ZNF521: variants seen among roughly 807,000 people sequenced by gnomAD.
ZNF521 encodes zinc finger protein 521, also known as LYST-interacting protein 3.
ZNF521 carries 14 observed loss-of-function variants against 105.5 expected under a neutral mutation model. The observed-to-expected ratio is 0.13, with a 90% CI of 0.09 to 0.21. The LOEUF is 0.21. Ranked by LOEUF, ZNF521 falls within the 10% of genes least tolerant of loss-of-function variation. The pLI, the probability that ZNF521 is intolerant of heterozygous loss-of-function variation, is 1.00. For missense variants in ZNF521, 1,233 were observed against 1,629.7 expected, an observed-to-expected ratio of 0.76 and a Z score of 4.19; for synonymous variants, 635 against 606.0, an observed-to-expected ratio of 1.05 and a Z score of -0.70.
At chr18:25,081,182 C>T (rs1162500184) in intron 7 of ZNF521, among the ~76,000 whole-genome samples, 1 of 152,168 alleles carries the variant, frequency 6.6e-6, no homozygotes, top group African/African-American at 2.4e-5. Flanking sequence ...TCAGTACACC[C>T]TGGCTGGATG....
intron 4 of ZNF521, among the ~76,000 whole-genome samples, chr18:25,223,358 C>T (rs559369077): frequency 6.6e-6 from 1 of 152,300 alleles, no homozygotes; most frequent in East Asian, 1.9e-4. Flanking sequence ...CCGCCCCTGC[C>T]AGCTGACTGA....
At chr18:25,188,648 T>C (rs1037837417) in intron 5 of ZNF521, among the ~76,000 whole-genome samples, 1 of 152,174 alleles carries the variant, frequency 6.6e-6, no homozygotes, top group South Asian at 2.1e-4. Flanking sequence ...TAGTGATACA[T>C]TCTACCGGAA....
At chr18:25,283,375 G>C (rs529484426) in intron 3 of ZNF521, among the ~76,000 whole-genome samples, 26 of 152,296 alleles carry the variant, frequency 1.7e-4, no homozygotes, top group African/African-American at 5.3e-4. Flanking sequence ...GTCAAAATCA[G>C]AGCCTAATTC....
chr18:25,329,483 TAAC>T (rs1913426549), intron 2 of ZNF521, among the ~76,000 whole-genome samples: 1 of 152,154 alleles, frequency 6.6e-6, no homozygotes, highest in African/African-American at 2.4e-5. Context: ...GAAGGCCACA[TAAC>T]ACTGGGAACA....
intron 3 of ZNF521, among the ~76,000 whole-genome samples, chr18:25,275,333 A>T (rs1235023175): frequency 6.6e-6 from 1 of 152,196 alleles, no homozygotes; most frequent in African/African-American, 2.4e-5. Flanking sequence ...GGACATCACT[A>T]AAAGGGGGAC....
intron 5 of ZNF521, among the ~76,000 whole-genome samples, chr18:25,108,329 A>G (rs964094875): frequency 1.3e-5 from 2 of 152,190 alleles, no homozygotes; most frequent in African/African-American, 4.8e-5. Context: ...GCCAAATTAA[A>G]AGCATGAGGA....
At chr18:25,350,824 T>G in intron 2 of ZNF521, 83 bp downstream of exon 2, 2 of 1,478,364 alleles carry the variant, frequency 1.4e-6, no homozygotes, top group African/African-American at 1.4e-5. Flanking sequence ...CGCACACGCC[T>G]CGCAGCCACG....
chr18:25,089,369 G>T, intron 7 of ZNF521, 96 bp downstream of exon 7: 1 of 912,784 alleles, frequency 1.1e-6, no homozygotes, highest in Non-Finnish European at 1.7e-6. Context: ...TGGTGGCCCA[G>T]GGTGAGTGAT....
chr18:25,079,586 A>T (rs186048681), intron 7 of ZNF521, among the ~76,000 whole-genome samples: 1 of 138,580 alleles, frequency 7.2e-6, no homozygotes, highest in Non-Finnish European at 1.5e-5. Flanking sequence ...ACACCAAGAG[A>T]TCTCAGGAAA....
Position 25,226,749 on chromosome 18 carries a change from G to C in ZNF521, c.1169C>G (p.Thr390Ser). 1 of 1,614,120 alleles carries C rather than the reference G, an allele frequency of 6.2e-7. No homozygotes were observed. The highest frequency in any genetic ancestry group is 1.1e-5 in the South Asian group (1 of 91,064). ...SRGRKRAAQQ[T>S]PDMTGPSSKQ... ...ACTCGAGGGACCAGTCATGTCAGGG[G>C]TTTGTTGAGCGGCCCTCTTCCTCCC... The change falls in exon 4 of 8, where the codon ACC becomes AGC. Residue 390 changes from threonine (T) to serine (S), a missense_variant. By Grantham distance (58) the Thr-to-Ser change is moderately conservative. Transcript: ENST00000361524. This position sits in a 1 kb window ranked among gnomAD's most constrained non-coding sequence, Gnocchi z 4.1.
At chr18:25,333,176 A>G (rs907531606) in intron 2 of ZNF521, among the ~76,000 whole-genome samples, 2 of 151,856 alleles carry the variant, frequency 1.3e-5, no homozygotes, top group Non-Finnish European at 2.9e-5. Context: ...CCAAATATGC[A>G]TAAAGTAATA....
At chr18:25,342,948 G>A (rs1235272992) in intron 2 of ZNF521, among the ~76,000 whole-genome samples, 1 of 152,158 alleles carries the variant, frequency 6.6e-6, no homozygotes, top group African/African-American at 2.4e-5. Flanking sequence ...ATGAAATGCT[G>A]GAAATTGTTT....
chr18:25,335,070 T>C (rs1913793837), intron 2 of ZNF521, among the ~76,000 whole-genome samples: 2 of 152,126 alleles, frequency 1.3e-5, no homozygotes, highest in Non-Finnish European at 2.9e-5. Flanking sequence ...GACATGCCGA[T>C]TGTGCACACA....
At chr18:25,208,727 C>A (rs1462932120) in intron 4 of ZNF521, among the ~76,000 whole-genome samples, 1 of 152,154 alleles carries the variant, frequency 6.6e-6, no homozygotes, top group East Asian at 1.9e-4. Context: ...ACATTTAAAA[C>A]CAACTTGTTA....
intron 5 of ZNF521, among the ~76,000 whole-genome samples, chr18:25,093,768 A>T (rs1029610146): frequency 6.6e-6 from 1 of 152,184 alleles, no homozygotes; most frequent in Non-Finnish European, 1.5e-5. Context: ...TTAATTGTGC[A>T]TACTGACATG....
chr18:25,285,860 GCCAC>G (rs1910681286), intron 3 of ZNF521, among the ~76,000 whole-genome samples: 1 of 152,218 alleles, frequency 6.6e-6, no homozygotes, highest in Non-Finnish European at 1.5e-5. Flanking sequence ...TATCAGGACT[GCCAC>G]CCTTTTGCTA....
intron 3 of ZNF521, among the ~76,000 whole-genome samples, chr18:25,237,923 A>G (rs1319333507): frequency 6.6e-6 from 1 of 152,238 alleles, no homozygotes; most frequent in East Asian, 1.9e-4. Context: ...TCATGTATAT[A>G]TATGAAACAT....
At chr18:25,306,255 AAAATAATAC>A (rs1911967795) in intron 3 of ZNF521, among the ~76,000 whole-genome samples, 2 of 152,366 alleles carry the variant, frequency 1.3e-5, no homozygotes, top group East Asian at 3.9e-4. Flanking sequence ...ATTTTTAATT[AAAATAATAC>A]GAAGGGAGAT....
In ZNF521 at chr18:25,226,944, A is replaced by C; in HGVS notation, c.974T>G (p.Leu325Arg). Residue 325 changes from leucine to arginine, a missense_variant, in exon 4 of 8, where the codon CTG becomes CGG. Leu to Arg is a moderately radical substitution (Grantham distance 102, BLOSUM62 -2). Around this residue, in one of 6 missense-constraint regions of ZNF521, gnomAD observed 380 missense variants for 478.0 expected, o/e 0.80. Transcript: ENST00000361524. This position sits in a 1 kb window ranked among gnomAD's most constrained non-coding sequence, Gnocchi z 4.1. ...CSESFHTVEELYSHMDSHQQP... is the reference protein window; with the variant it reads ...CSESFHTVEERYSHMDSHQQP... ...CTGGTGACTGTCCATGTGGCTGTAC[A>C]GTTCCTCAACTGTGTGGAAACTCTC... 1.2e-6 allele frequency: 2 copies of C among 1,613,948 alleles called. No individual in the cohort carries two copies. Among genetic ancestry groups the C allele is most frequent in the Non-Finnish European group, 1.7e-6 (2 of 1,179,986 alleles).
Sources: allele counts gnomAD v4.1 joint callset (sites outside exome capture counted in the v4.1 genomes callset), GRCh38; gene constraint gnomAD v4.1.1; regional missense constraint gnomAD v4.1.1; non-coding constraint Gnocchi (gnomAD v3.1); transcripts MANE v1.5; gene names NCBI Gene and HGNC (gene_info 2026-07-23, HGNC 2026-07-21).